CSMD3: variants seen among roughly 807,000 people sequenced by gnomAD.
CSMD3 encodes CUB and sushi domain-containing protein 3.
CSMD3 carries 177 observed loss-of-function variants against 435.2 expected under a neutral mutation model. The ratio of observed to expected loss-of-function variants is 0.41; its 90% CI spans 0.36 to 0.46. CSMD3 has a LOEUF of 0.46. CSMD3 is among the 20% of genes least tolerant of loss of function. The pLI is 0.34. For missense variants in CSMD3, 4,265 were observed against 4,504.6 expected (o/e 0.95, Z 1.52); for synonymous variants, 1,656 against 1,520.5 (o/e 1.09, Z -2.07).
intron 24 of CSMD3, among the ~76,000 whole-genome samples, chr8:112,564,613 C>CA (rs1457153332): frequency 6.6e-6 from 1 of 152,074 alleles, no homozygotes; most frequent in Non-Finnish European, 1.5e-5. Context: ...AACAACCTGA[C>CA]AGCACCATAC....
chr8:113,014,909 A>G (rs766120499), intron 6 of CSMD3, among the ~76,000 whole-genome samples: 29 of 152,204 alleles, frequency 1.9e-4, no homozygotes, highest in Non-Finnish European at 3.8e-4. Flanking sequence ...TTACAAAACA[A>G]TAATATGTCT....
chr8:112,753,980 G>A (rs1000735906), intron 13 of CSMD3, among the ~76,000 whole-genome samples: 19 of 151,706 alleles, frequency 1.3e-4, no homozygotes, highest in African/African-American at 4.6e-4. Context: ...AAAGAAGAAT[G>A]GAGCTGTGTG....
intron 4 of CSMD3, among the ~76,000 whole-genome samples, chr8:113,170,158 A>C (rs1043490080): frequency 6.6e-6 from 1 of 152,206 alleles, no homozygotes; most frequent in African/African-American, 2.4e-5. Context: ...AGCCCCCTGC[A>C]AAGTTATAAA....
chr8:112,805,642 A>C (rs2079067901), intron 12 of CSMD3, among the ~76,000 whole-genome samples: 1 of 152,226 alleles, frequency 6.6e-6, no homozygotes, highest in African/African-American at 2.4e-5. Context: ...TTAGTTTCTA[A>C]CATCAGAAAC....
In CSMD3 at chr8:112,536,244, A is replaced by C. The variant is rs377547846; in HGVS notation, c.4564+14427T>G. 5.5e-3 allele frequency among the ~76,000 whole-genome samples: 837 copies of C among 151,226 alleles called. 3 individuals carry two copies. Among genetic ancestry groups the C allele is most frequent in the East Asian group, 0.029 (151 of 5,144 alleles). On this transcript the variant is annotated intron_variant, in intron 27 of 70. Transcript: ENST00000297405. ...ATCAGAGTGAACAGGCAACCTACAA[A>C]ATGGGAGAAAATTTTCGCAACCTAC...
intron 11 of CSMD3, among the ~76,000 whole-genome samples, chr8:112,842,411 T>C (rs1276563898): frequency 2.0e-5 from 3 of 151,854 alleles, no homozygotes; most frequent in African/African-American, 7.2e-5. Context: ...GTGTGTGTTA[T>C]CTGCACCGTA....
At chr8:112,227,902 C>T (rs1812722128) in intron 70 of CSMD3, among the ~76,000 whole-genome samples, 1 of 151,982 alleles carries the variant, frequency 6.6e-6, no homozygotes, top group Non-Finnish European at 1.5e-5. Context: ...ATTAGCCGGG[C>T]ATGATGGCGG....
At chr8:112,410,011 A>C (rs1006209929) in intron 32 of CSMD3, among the ~76,000 whole-genome samples, 1 of 151,964 alleles carries the variant, frequency 6.6e-6, no homozygotes, top group Non-Finnish European at 1.5e-5. Flanking sequence ...TCATTCCATG[A>C]GTATATACAA....
chr8:112,722,014 A>G (rs1407868892), intron 13 of CSMD3, among the ~76,000 whole-genome samples: 2 of 152,208 alleles, frequency 1.3e-5, no homozygotes, highest in East Asian at 3.9e-4. Flanking sequence ...AAATGTATAC[A>G]ATTTGGGGAC....
chr8:112,345,981 C>A (rs1435527182), intron 41 of CSMD3, 116 bp downstream of exon 41: 11 of 764,594 alleles, frequency 1.4e-5, no homozygotes, highest in Non-Finnish European at 1.9e-5. Flanking sequence ...GTATGTATTC[C>A]TAAACTAAAC....
intron 3 of CSMD3, among the ~76,000 whole-genome samples, chr8:113,219,326 A>C (rs927050526): frequency 1.4e-4 from 21 of 151,386 alleles, no homozygotes; most frequent in African/African-American, 4.8e-4. Flanking sequence ...TTACCTGGAA[A>C]ACTTTAGAGA....
chr8:113,346,101 A>G (rs550205378), intron 1 of CSMD3, among the ~76,000 whole-genome samples: 1 of 152,144 alleles, frequency 6.6e-6, no homozygotes, highest in Non-Finnish European at 1.5e-5. Flanking sequence ...TTACCATTTA[A>G]TTTATTTGTC....
chr8:112,431,062 T>C (rs546306816), intron 32 of CSMD3, among the ~76,000 whole-genome samples: 8 of 145,482 alleles, frequency 5.5e-5, no homozygotes, highest in African/African-American at 1.7e-4. Context: ...ATTATTGTTG[T>C]CAAGTCATTC....
intron 15 of CSMD3, 142 bp from the exon 16 acceptor site, chr8:112,682,778 A>C: frequency 2.9e-6 from 2 of 688,948 alleles, no homozygotes; most frequent in South Asian, 3.5e-5. Context: ...TTATTTATTT[A>C]CTTTAAATTT....
In CSMD3 at chr8:113,279,194, T is replaced by TTA. The variant is rs142614132; in HGVS notation, c.402-492_402-491dup. 4.9e-3 allele frequency among the ~76,000 whole-genome samples: 730 copies of TTA among 150,108 alleles called. 11 individuals are homozygous for TTA. The highest frequency in any genetic ancestry group is 0.017 in the African/African-American group (705 of 40,896). ...AAGAGCGATAACATAGTATGAGATA[T>TTA]TATATATATAGTATAATATGAAATT... On this transcript the variant is annotated intron_variant, in intron 2 of 70. Transcript: ENST00000297405.
intron 16 of CSMD3, among the ~76,000 whole-genome samples, chr8:112,671,618 G>A (rs2075658019): frequency 6.6e-6 from 1 of 152,094 alleles, no homozygotes; most frequent in Non-Finnish European, 1.5e-5. Context: ...TTGACACACA[G>A]ATGATCCTCA....
intron 5 of CSMD3, among the ~76,000 whole-genome samples, chr8:113,021,762 A>G (rs1277234260): frequency 2.0e-5 from 3 of 152,244 alleles, no homozygotes; most frequent in African/African-American, 7.2e-5. Context: ...ATTTACTTTC[A>G]GTAATCTAAG....
intron 1 of CSMD3, among the ~76,000 whole-genome samples, chr8:113,339,256 C>T (rs2094100478): frequency 6.6e-6 from 1 of 151,844 alleles, no homozygotes; most frequent in South Asian, 2.1e-4. Flanking sequence ...TGCCATGGAG[C>T]TCCATTACAT....
At chr8:112,960,770 A>G (rs1265737980) in intron 7 of CSMD3, among the ~76,000 whole-genome samples, 1 of 151,832 alleles carries the variant, frequency 6.6e-6, no homozygotes, top group Non-Finnish European at 1.5e-5. Context: ...GAGAGTTAAC[A>G]TATTTTTGAA....
Sources: allele counts gnomAD v4.1 joint callset (sites outside exome capture counted in the v4.1 genomes callset), GRCh38; gene constraint gnomAD v4.1.1; transcripts MANE v1.5; gene names NCBI Gene and HGNC (gene_info 2026-07-23, HGNC 2026-07-21).